SNTG1: variants seen among roughly 807,000 people sequenced by gnomAD.
SNTG1 encodes syntrophin gamma 1.
A neutral mutation model predicts 74.7 loss-of-function variants in SNTG1; 39 were observed. That is an observed-to-expected ratio of 0.52 (90% confidence interval 0.40 to 0.68). SNTG1 has a LOEUF of 0.68. Among genes scored for constraint, SNTG1 ranks in the 30% least tolerant of loss-of-function variants. SNTG1 has a pLI of 0.00. For synonymous variants in SNTG1, 254 were observed against 217.1 expected (o/e 1.17, Z -1.49); for missense variants, 685 against 609.5 (o/e 1.12, Z -1.30).
rs901367273 is a variant in SNTG1 at position 50,207,636 on chromosome 8, T to C, written c.-28+35001T>C. On this transcript the variant is annotated intron_variant, in intron 2 of 18. Transcript: ENST00000642720. ...TTGAATGTGTTTGCTCTTGCTTCTC[T>C]AGTTCTTTTAGTTGTGATATTATGG... Among the ~76,000 whole-genome samples, 4 of 152,212 alleles carry C rather than the reference T, an allele frequency of 2.6e-5. No individual in the cohort carries two copies. The South Asian group carries it at 8.3e-4, about 32-fold the overall frequency.
chr8:50,535,856 T>C (rs911161473), intron 10 of SNTG1, among the ~76,000 whole-genome samples: 3 of 152,200 alleles, frequency 2.0e-5, no homozygotes, highest in Non-Finnish European at 4.4e-5. Flanking sequence ...GGGAAGTCAA[T>C]GTTACCAGTT....
At chr8:50,759,949 C>A (rs1291289680) in intron 18 of SNTG1, among the ~76,000 whole-genome samples, 2 of 152,078 alleles carry the variant, frequency 1.3e-5, no homozygotes, top group Non-Finnish European at 2.9e-5. Flanking sequence ...TGGCCATTTT[C>A]ATGATATTGA....
At position 49,946,117 on chromosome 8, in the gene SNTG1, A is replaced by T. The variant is rs1037264532; in HGVS notation, c.-103+33886A>T. Among the ~76,000 whole-genome samples the T allele has an allele frequency of 2.6e-5, 4 of 152,172 alleles. 1 individual carries two copies. Among genetic ancestry groups the T allele is most frequent in the South Asian group, 4.1e-4 (2 of 4,824 alleles). ...TATCTATCATCTATGTATCTATATC[A>T]TCTATCTATTATGTATTTATAAATG... On this transcript the variant is annotated intron_variant, in intron 1 of 18. Coordinates refer to ENST00000642720, the MANE Select transcript of SNTG1 (RefSeq NM_018967.5).
Position 50,307,464 on chromosome 8 carries a change from A to T in SNTG1, c.-27-86748A>T, listed in dbSNP as rs532585104. 4.6e-5 allele frequency among the ~76,000 whole-genome samples: 7 copies of T among 152,070 alleles called. No individual in the cohort carries two copies. In the South Asian group the frequency reaches 1.5e-3, roughly 32 times the overall value. ...TCCATTTATTTTTTATTTCAAAAAA[A>T]TTTCCTCTCTTCCATCTTTCTGTTT... On this transcript the variant is annotated intron_variant, in intron 2 of 18. Coordinates refer to ENST00000642720, the MANE Select transcript of SNTG1 (RefSeq NM_018967.5).
intron 2 of SNTG1, among the ~76,000 whole-genome samples, chr8:50,331,543 T>C (rs1233983903): frequency 6.6e-6 from 1 of 152,182 alleles, no homozygotes; most frequent in Non-Finnish European, 1.5e-5. Context: ...GGTCAGAATT[T>C]TTCCATTTCA....
intron 1 of SNTG1, among the ~76,000 whole-genome samples, chr8:50,153,451 G>C (rs1447614961): frequency 6.6e-6 from 1 of 152,214 alleles, no homozygotes; most frequent in Non-Finnish European, 1.5e-5. Context: ...GCGAGGAGCT[G>C]TGTTCCTTTG....
At chr8:49,962,550 A>G (rs1203870255) in intron 1 of SNTG1, among the ~76,000 whole-genome samples, 4 of 151,654 alleles carry the variant, frequency 2.6e-5, no homozygotes, top group African/African-American at 7.3e-5. Context: ...CTGAGTCTGT[A>G]TTTACCTCAG....
In SNTG1 at chr8:50,721,694, G is replaced by A. The variant is rs528317037; in HGVS notation, c.1284+12716G>A. 3.9e-5 allele frequency among the ~76,000 whole-genome samples: 6 copies of A among 152,302 alleles called. No individual in the cohort carries two copies. The East Asian group carries it at 1.2e-3, about 29-fold the overall frequency. Reference sequence around the variant, plus strand: ...GAAGAAATATATGTGGAAAATGACAGACTTAGTTGTGATTTCTACTTCTTA... The same window carrying A: ...GAAGAAATATATGTGGAAAATGACAAACTTAGTTGTGATTTCTACTTCTTA... On this transcript the variant is annotated intron_variant, in intron 17 of 18. Coordinates refer to ENST00000642720, the MANE Select transcript of SNTG1 (RefSeq NM_018967.5).
chr8:50,667,112 A>G (rs1368993069), intron 15 of SNTG1, among the ~76,000 whole-genome samples: 1 of 152,040 alleles, frequency 6.6e-6, no homozygotes, highest in Non-Finnish European at 1.5e-5. Flanking sequence ...AAATTAAGGT[A>G]TAACGGAAGA....
intron 8 of SNTG1, among the ~76,000 whole-genome samples, chr8:50,484,251 T>C (rs557698447): frequency 6.7e-6 from 1 of 149,556 alleles, no homozygotes; most frequent in South Asian, 2.1e-4. Flanking sequence ...TTTCCACTCT[T>C]GTTGCCCAGG....
In SNTG1 at chr8:50,298,992, G is replaced by A. The variant is rs57209780; in HGVS notation, c.-27-95220G>A. ...ATTGAAGTTCACGTTGTTTTTAAAT[G>A]CCTTTGTTTGAAAGTGAAATACATA... On this transcript the variant is annotated intron_variant, in intron 2 of 18. Coordinates refer to ENST00000642720, the MANE Select transcript of SNTG1 (RefSeq NM_018967.5). Among the ~76,000 whole-genome samples the A allele has an allele frequency of 4.6e-4, 70 of 152,196 alleles. 2 individuals carry two copies. The East Asian group carries it at 0.012, about 26-fold the overall frequency.
At chr8:50,310,426 C>T (rs980524978) in intron 2 of SNTG1, among the ~76,000 whole-genome samples, 4 of 152,126 alleles carry the variant, frequency 2.6e-5, no homozygotes, top group South Asian at 2.1e-4. Context: ...TGGTGGCTCA[C>T]GCATGTAATC....
chr8:50,239,874 C>A (rs2086091549), intron 2 of SNTG1, among the ~76,000 whole-genome samples: 1 of 152,078 alleles, frequency 6.6e-6, no homozygotes, highest in South Asian at 2.1e-4. Context: ...TCTTTCCAGA[C>A]CTCGGTCTCA....
At position 50,734,667 on chromosome 8, in the gene SNTG1, G is replaced by GAT. The variant is rs2095521227; in HGVS notation, c.1285-17326_1285-17325dup. Among the ~76,000 whole-genome samples the GAT allele has an allele frequency of 7.5e-5, 11 of 146,086 alleles. No homozygotes were observed. The South Asian group carries it at 2.1e-3, about 28-fold the overall frequency. Reference sequence around the variant, plus strand: ...CTTTCTCTGTCTCTCTCTCTCTGGAGATATATATAGATATGTATATATGGA... The same window carrying GAT: ...CTTTCTCTGTCTCTCTCTCTCTGGAGATATATATATAGATATGTATATATGGA... On this transcript the variant is annotated intron_variant, in intron 17 of 18. Transcript: ENST00000642720.
At chr8:50,300,488 A>G (rs1284548478) in intron 2 of SNTG1, among the ~76,000 whole-genome samples, 3 of 152,168 alleles carry the variant, frequency 2.0e-5, no homozygotes, top group Non-Finnish European at 4.4e-5. Context: ...AAATATAAGA[A>G]TGGGAAAAAA....
At chr8:50,632,231 T>C (rs1307896254) in intron 13 of SNTG1, among the ~76,000 whole-genome samples, 2 of 151,976 alleles carry the variant, frequency 1.3e-5, no homozygotes, top group African/African-American at 2.4e-5. Context: ...TGGGGTAATA[T>C]ATGATAAAAT....
At chr8:49,944,849 G>T (rs370258470) in intron 1 of SNTG1, among the ~76,000 whole-genome samples, 1 of 150,910 alleles carries the variant, frequency 6.6e-6, no homozygotes, top group South Asian at 2.1e-4. Flanking sequence ...GTGCAGTGGC[G>T]CAATCTCGGC....
intron 2 of SNTG1, among the ~76,000 whole-genome samples, chr8:50,328,573 C>T (rs907487809): frequency 6.6e-6 from 1 of 152,142 alleles, no homozygotes; most frequent in Non-Finnish European, 1.5e-5. Flanking sequence ...ACTTATAAAA[C>T]CATCAGATCT....
chr8:49,983,427 G>A (rs972466532), intron 1 of SNTG1, among the ~76,000 whole-genome samples: 1 of 152,092 alleles, frequency 6.6e-6, no homozygotes, highest in Non-Finnish European at 1.5e-5. Context: ...ATCAAATTCA[G>A]TCTTTAAACA....
Sources: allele counts gnomAD v4.1 joint callset (sites outside exome capture counted in the v4.1 genomes callset), GRCh38; gene constraint gnomAD v4.1.1; transcripts MANE v1.5; gene names NCBI Gene and HGNC (gene_info 2026-07-23, HGNC 2026-07-21).